The following SNX24 variants were observed in gnomAD, a reference collection of about 807,000 sequenced individuals.
SNX24 encodes sorting nexin-24.
A neutral mutation model predicts 28.7 loss-of-function variants in SNX24; 22 were observed. The ratio of observed to expected loss-of-function variants is 0.77; its 90% confidence interval spans 0.55 to 1.10. The LOEUF is 1.10. Among genes scored for constraint, SNX24 ranks in the 50% least tolerant of loss-of-function variants. The probability of loss-of-function intolerance (pLI) is 0.00; values close to 1 mark genes in which losing one functional copy is unlikely to be tolerated. For synonymous variants in SNX24, 69 were observed against 71.5 expected, an observed-to-expected ratio of 0.96 and a Z score of 0.18; for missense variants, 221 against 201.1, an observed-to-expected ratio of 1.10 and a Z score of -0.60.
At chr5:122,927,662 C>G (rs1758761714) in intron 1 of SNX24, among the ~76,000 whole-genome samples, 1 of 152,148 alleles carries the variant, frequency 6.6e-6, no homozygotes, top group African/African-American at 2.4e-5. Flanking sequence ...TAAAGTGAAG[C>G]AAAATCTTCT....
intron 5 of SNX24, chr5:123,025,913 A>G (rs1430762480): frequency 1.9e-6 from 3 of 1,612,792 alleles, no homozygotes; most frequent in Admixed American, 1.7e-5. Context: ...ACCCAATGCC[A>G]TAGTGCTTCA....
At chr5:122,845,947 C>T (rs759255203) in intron 1 of SNX24, among the ~76,000 whole-genome samples, 10 of 152,146 alleles carry the variant, frequency 6.6e-5, no homozygotes, top group Non-Finnish European at 1.2e-4. Flanking sequence ...CTGCAGTCCT[C>T]GGACGCGGCA....
intron 1 of SNX24, among the ~76,000 whole-genome samples, chr5:122,914,459 T>C (rs1394108458): frequency 1.3e-5 from 2 of 151,754 alleles, no homozygotes; most frequent in Admixed American, 6.6e-5. Context: ...TGGAATAGTT[T>C]CAGAAGGAAT....
intron 3 of SNX24, among the ~76,000 whole-genome samples, chr5:122,968,813 A>T (rs572814058): frequency 6.6e-6 from 1 of 152,160 alleles, no homozygotes; most frequent in East Asian, 1.9e-4. Context: ...AGTAATAGAT[A>T]CAATAAAATA....
chr5:122,972,662 C>A (rs999130922), intron 3 of SNX24, among the ~76,000 whole-genome samples: 5 of 152,220 alleles, frequency 3.3e-5, no homozygotes, highest in Non-Finnish European at 7.3e-5. Context: ...GTGGATAAGG[C>A]ATTCTGTGAG....
rs1477750982 is a variant in SNX24, at chr5:123,007,958, A to G, written c.*209A>G. The G allele has an allele frequency of 7.7e-7, 1 of 1,305,364 alleles. No individual in the cohort carries two copies. The highest frequency in any genetic ancestry group is 1.5e-5 in the African/African-American group (1 of 65,216). 80.9% of individuals were successfully genotyped at this position (1,305,364 alleles called of 1,614,324 possible). On this transcript the variant is annotated 3_prime_UTR_variant, in exon 7 of 7. Transcript: ENST00000261369. ...CTGAACCGGGGCGGTGGTCAGGCTA[A>G]GGCCAAGTGTTTAAGAAGTAGAGTG...
rs1328361026 is a variant in SNX24 at position 123,008,861 on chromosome 5, A to AT, written c.*1113dup. On this transcript the variant is annotated 3_prime_UTR_variant, in exon 7 of 7. Coordinates refer to ENST00000261369, the MANE Select transcript of SNX24 (RefSeq NM_014035.4). ...TGAGTAGTAAAGGATAAAAGCATAT[A>AT]TACTACCTATATGTATGTGCTGTAT... 1 of 981,826 alleles carries AT rather than the reference A, an allele frequency of 1.0e-6. No homozygotes were observed. Among genetic ancestry groups the AT allele is most frequent in the African/African-American group, 1.7e-5 (1 of 57,162 alleles). 60.8% of individuals were successfully genotyped at this position (981,826 alleles called of 1,614,324 possible).
At chr5:122,899,595 G>A (rs1308878496) in intron 1 of SNX24, among the ~76,000 whole-genome samples, 1 of 152,100 alleles carries the variant, frequency 6.6e-6, no homozygotes. Context: ...TTTTTGTAGA[G>A]ATGGGGTTTT....
intron 1 of SNX24, among the ~76,000 whole-genome samples, chr5:122,933,826 T>C (rs185717168): frequency 3.9e-4 from 60 of 152,074 alleles, no homozygotes; most frequent in African/African-American, 1.4e-3. Flanking sequence ...CAACTCTTTT[T>C]TTCTTTTTTT....
chr5:123,022,642 A>C (rs1457593679), intron 5 of SNX24: 1 of 152,304 alleles, frequency 6.6e-6, no homozygotes, highest in Non-Finnish European at 1.5e-5. Flanking sequence ...CATGCTCCCC[A>C]GTGGCCACCA....
intron 4 of SNX24, among the ~76,000 whole-genome samples, chr5:123,000,967 C>G (rs1762224683): frequency 1.3e-5 from 2 of 152,238 alleles, no homozygotes; most frequent in South Asian, 4.1e-4. Flanking sequence ...CTCATGAGCA[C>G]TGTTTACTCA....
intron 1 of SNX24, among the ~76,000 whole-genome samples, chr5:122,892,498 G>A (rs953517875): frequency 6.6e-6 from 1 of 151,508 alleles, no homozygotes; most frequent in African/African-American, 2.4e-5. Flanking sequence ...GGAGTGCAGT[G>A]GCGTGATCCT....
At chr5:122,951,864 G>A (rs978114253) in intron 3 of SNX24, among the ~76,000 whole-genome samples, 3 of 152,168 alleles carry the variant, frequency 2.0e-5, no homozygotes, top group African/African-American at 7.2e-5. Context: ...AGAGTCTGCG[G>A]GTAAGGCAGA....
At chr5:122,922,763 C>T (rs760673034) in intron 1 of SNX24, among the ~76,000 whole-genome samples, 3 of 152,092 alleles carry the variant, frequency 2.0e-5, no homozygotes, top group South Asian at 2.1e-4. Context: ...GCCAGGTAAT[C>T]GCTTTCTAAA....
chr5:122,999,878 C>G (rs771470538), intron 3 of SNX24, 34 bp from the exon 4 acceptor site: 5 of 1,322,452 alleles, frequency 3.8e-6, no homozygotes, highest in Non-Finnish European at 5.5e-6. Flanking sequence ...GCAAACTTCA[C>G]TTCAGTTTCG....
At chr5:122,982,567 A>G (rs1268226700) in intron 3 of SNX24, among the ~76,000 whole-genome samples, 1 of 152,244 alleles carries the variant, frequency 6.6e-6, no homozygotes, top group African/African-American at 2.4e-5. Flanking sequence ...AGATATTGAG[A>G]AAGCTACTGT....
intron 3 of SNX24, among the ~76,000 whole-genome samples, chr5:122,947,395 G>A (rs1465397562): frequency 6.6e-6 from 1 of 152,148 alleles, no homozygotes; most frequent in Non-Finnish European, 1.5e-5. Context: ...TCAGTAGAAA[G>A]ATGCCAGAAT....
rs376514927 is a variant in SNX24 at position 122,859,984 on chromosome 5, A to T, written c.60+14291A>T. Among the ~76,000 whole-genome samples the T allele has an allele frequency of 1.6e-4, 24 of 152,354 alleles. No homozygotes were observed. In the South Asian group the frequency reaches 5.0e-3, roughly 32 times the overall value. On this transcript the variant is annotated intron_variant, in intron 1 of 6. Coordinates refer to ENST00000261369, the MANE Select transcript of SNX24 (RefSeq NM_014035.4). Reference sequence around the variant, plus strand: ...AGAGACCAAAGTTCTTTTGAAGTCTAATAGTGGCTGCCCTTAGAGACAATA... The same window carrying T: ...AGAGACCAAAGTTCTTTTGAAGTCTTATAGTGGCTGCCCTTAGAGACAATA...
At chr5:123,013,591 G>A (rs1762631226), downstream of SNX24, among the ~76,000 whole-genome samples, 2 of 152,054 alleles carry the variant, frequency 1.3e-5, no homozygotes, top group South Asian at 2.1e-4. Flanking sequence ...CGGGAAGGAG[G>A]GCATATTATC....
Sources: gnomAD v4.1 joint callset for allele counts (sites outside exome capture counted in the v4.1 genomes callset) on GRCh38, gnomAD v4.1.1 for gene constraint, MANE v1.5 for transcripts, NCBI Gene and HGNC (gene_info 2026-07-23, HGNC 2026-07-21) for gene names.